NFASC: variants seen among roughly 807,000 people sequenced by gnomAD.
The protein encoded by NFASC is neurofascin.
A neutral mutation model predicts 147.5 loss-of-function variants in NFASC; 43 were observed. The observed-to-expected ratio is 0.29, with a 90% CI of 0.23 to 0.38. NFASC has a LOEUF of 0.38. NFASC is among the 10% of genes least tolerant of loss of function. The pLI is 1.00. For missense variants in NFASC, 1,320 were observed against 1,689.0 expected, an observed-to-expected ratio of 0.78 and a Z score of 3.83; for synonymous variants, 622 against 665.5, an observed-to-expected ratio of 0.93 and a Z score of 1.01.
At chr1:205,002,806 C>A in intron 27 of NFASC, 58 bp downstream of exon 27, 1 of 1,295,118 alleles carries the variant, frequency 7.7e-7, no homozygotes, top group Non-Finnish European at 1.0e-6. Flanking sequence ...CATTCTCATC[C>A]TCAGCTTCCT....
rs770173495 is a variant in NFASC at position 204,954,412 on chromosome 1, G to T, written c.412+28G>T. 3 of 1,604,072 alleles carry T rather than the reference G, an allele frequency of 1.9e-6. No homozygotes were observed. The highest frequency in any genetic ancestry group is 2.2e-5 in the South Asian group (2 of 90,216). On this transcript the variant is annotated intron_variant, in intron 6 of 29. Coordinates refer to ENST00000339876, the MANE Select transcript of NFASC (RefSeq NM_001005388.3). The surrounding 1 kb of genome is among the most constrained non-coding windows in gnomAD (Gnocchi z 5.7). ...GAGTAGCGTGGGGCAGGGCTGAAAT[G>T]CCCTGCTCCTGGGTAAATGGAGAGT...
At chr1:204,960,700 C>G (rs1039766046) in intron 8 of NFASC, among the ~76,000 whole-genome samples, 1 of 152,238 alleles carries the variant, frequency 6.6e-6, no homozygotes, top group Non-Finnish European at 1.5e-5. Context: ...AGGAGAGGAA[C>G]AGAGTTGCCT....
chr1:204,980,608 A>G (rs530470420), intron 20 of NFASC, among the ~76,000 whole-genome samples, 168 bp downstream of exon 20: 2 of 152,182 alleles, frequency 1.3e-5, no homozygotes, highest in Admixed American at 6.5e-5. Context: ...TGAGTTGGGC[A>G]TCCAGAAACC....
In NFASC at chr1:205,002,655, G is replaced by A; in HGVS notation, c.3196G>A (p.Asp1066Asn). The A allele has an allele frequency of 6.3e-7, 1 of 1,584,684 alleles. No individual in the cohort carries two copies. The highest frequency in any genetic ancestry group is 8.6e-7 in the Non-Finnish European group (1 of 1,158,228). The change falls in exon 27 of 30, where the codon GAC (aspartate) becomes AAC (asparagine). Residue 1066 changes from aspartate to asparagine, a missense_variant. Transcript: ENST00000339876. Reference protein sequence around the residue: ...KAQAQPIQLTDLYPGMTYTLR... With the variant: ...KAQAQPIQLTNLYPGMTYTLR... ...CCAGGCTCAGCCTATACAGCTGACAGACCTCTATCCCGGGATGACATACAC... is the reference window on the plus strand; with the variant it reads ...CCAGGCTCAGCCTATACAGCTGACAAACCTCTATCCCGGGATGACATACAC...
intron 1 of NFASC, among the ~76,000 whole-genome samples, chr1:204,885,683 C>T (rs1160715972): frequency 6.6e-6 from 1 of 152,210 alleles, no homozygotes; most frequent in Non-Finnish European, 1.5e-5. Flanking sequence ...TGTCCCCACT[C>T]CCTGGTTCAA....
intron 1 of NFASC, among the ~76,000 whole-genome samples, chr1:204,911,427 A>G (rs1052571181): frequency 1.3e-5 from 2 of 152,182 alleles, no homozygotes; most frequent in African/African-American, 4.8e-5. Context: ...GATATTGCCC[A>G]GGCTGGTCTT....
chr1:204,912,420 G>A (rs1572904577), intron 1 of NFASC, among the ~76,000 whole-genome samples: 1 of 152,184 alleles, frequency 6.6e-6, no homozygotes, highest in East Asian at 1.9e-4. Context: ...TTCAAGCCAG[G>A]CATTGTGGCT....
chr1:204,952,072 TA>T lies in NFASC; in HGVS notation c.173del (p.Asn58ThrfsTer3). 6.2e-7 allele frequency: 1 copy of T among 1,614,158 alleles called. No individual in the cohort carries two copies. Among genetic ancestry groups the T allele is most frequent in the South Asian group, 1.1e-5 (1 of 91,066 alleles). ...AKDHIVDPRDNILIECEAKGN... is the reference protein window; with the variant it reads ...AKDHIVDPRDXILIECEAKGN... ...AGGATCACATCGTGGACCCCCGTGA[TA>T]ACATCCTGATTGAGTGTGAAGCAAA... On this transcript the variant is annotated frameshift_variant, in exon 5 of 30. Transcript: ENST00000339876. LOFTEE classifies it high-confidence loss of function.
intron 23 of NFASC, 124 bp from the exon 24 acceptor site, chr1:204,991,168 A>C: frequency 1.7e-6 from 2 of 1,176,330 alleles, no homozygotes; most frequent in South Asian, 2.7e-5. Flanking sequence ...CGCCGTCTGC[A>C]TAAGGTTTGG....
chr1:204,971,740 A>G (rs998696367), intron 11 of NFASC, among the ~76,000 whole-genome samples: 1 of 152,190 alleles, frequency 6.6e-6, no homozygotes, highest in Non-Finnish European at 1.5e-5. Context: ...GTGAGTCTGC[A>G]ATACAACTGC....
intron 1 of NFASC, among the ~76,000 whole-genome samples, chr1:204,868,269 G>T (rs977883004): frequency 2.6e-5 from 4 of 152,196 alleles, no homozygotes; most frequent in African/African-American, 9.6e-5. Context: ...TTGTATTGCT[G>T]ATCTCTTCTG....
At chr1:204,867,233 C>G (rs944290227) in intron 1 of NFASC, among the ~76,000 whole-genome samples, 2 of 152,134 alleles carry the variant, frequency 1.3e-5, no homozygotes, top group African/African-American at 4.8e-5. Flanking sequence ...GGAGAGCATT[C>G]TGGTAACAAC....
chr1:204,861,797 C>A (rs2076703317), intron 1 of NFASC, among the ~76,000 whole-genome samples: 2 of 152,198 alleles, frequency 1.3e-5, no homozygotes, highest in Non-Finnish European at 2.9e-5. Flanking sequence ...CCTCTTCTCA[C>A]TTCTTGACAC....
intron 1 of NFASC, among the ~76,000 whole-genome samples, chr1:204,874,026 G>A (rs921350864): frequency 1.3e-5 from 2 of 152,200 alleles, no homozygotes; most frequent in African/African-American, 4.8e-5. Flanking sequence ...CATCTGTCAA[G>A]TGTGATATTA....
Position 204,986,037 on chromosome 1 carries a change from A to G in NFASC, c.2471-1381A>G. 6.2e-7 allele frequency: 1 copy of G among 1,614,140 alleles called. No individual in the cohort carries two copies. The highest frequency in any genetic ancestry group is 8.5e-7 in the Non-Finnish European group (1 of 1,180,006). ...CGCCTCTTCCCCTACAGTAACTACA[A>G]GCTGGAGATGGTTGTGGTCAATGGG... On this transcript the variant is annotated intron_variant, in intron 21 of 29. Transcript: ENST00000339876. This position sits in a 1 kb window ranked among gnomAD's most constrained non-coding sequence, Gnocchi z 4.2.
chr1:205,008,055 C>CTCCT (rs2096166950), intron 27 of NFASC, among the ~76,000 whole-genome samples: 1 of 152,108 alleles, frequency 6.6e-6, no homozygotes, highest in Non-Finnish European at 1.5e-5. Flanking sequence ...CAGCCCGGGG[C>CTCCT]GCCCTGGGCA....
intron 2 of NFASC, among the ~76,000 whole-genome samples, chr1:204,936,177 A>G (rs2092808378): frequency 7.0e-6 from 1 of 142,228 alleles, no homozygotes; most frequent in Non-Finnish European, 1.5e-5. Context: ...TAGCATTAAC[A>G]GATTCCCTCT....
intron 1 of NFASC, among the ~76,000 whole-genome samples, chr1:204,899,997 C>G (rs2084202726): frequency 1.3e-5 from 2 of 152,124 alleles, no homozygotes; most frequent in Admixed American, 1.3e-4. Flanking sequence ...TTAGGATGAT[C>G]CATTATAGTG....
Position 204,993,298 on chromosome 1 carries a change from G to A in NFASC, c.2782+1992G>A, listed in dbSNP as rs111789424. ...GACAATCTGTGATTTGGCCGGGGTA[G>A]TCAACACGCCATGTGGACATTTTTG... On this transcript the variant is annotated intron_variant, in intron 24 of 29. Transcript: ENST00000339876. Among the ~76,000 whole-genome samples the A allele has an allele frequency of 1.8e-4, 28 of 152,348 alleles. 1 individual carries two copies. Among genetic ancestry groups the A allele is most frequent in the African/African-American group, 6.7e-4 (28 of 41,566 alleles).
Sources: allele counts gnomAD v4.1 joint callset (sites outside exome capture counted in the v4.1 genomes callset), GRCh38; gene constraint gnomAD v4.1.1; non-coding constraint Gnocchi (gnomAD v3.1); transcripts MANE v1.5; gene names NCBI Gene and HGNC (gene_info 2026-07-23, HGNC 2026-07-21).